NEB: variants seen among roughly 807,000 people sequenced by gnomAD.
NEB encodes nebulin, also known as nemaline myopathy type 2.
NEB carries 512 observed loss-of-function variants against 952.2 expected under a neutral mutation model. The ratio of observed to expected loss-of-function variants is 0.54; its 90% CI spans 0.50 to 0.58. The LOEUF (loss-of-function observed/expected upper bound fraction) is 0.58, where lower values mean the gene tolerates loss of function less well. NEB is among the 20% of genes least tolerant of loss of function. NEB has a pLI of 0.00. For missense variants in NEB, 8,428 were observed against 9,231.1 expected, an observed-to-expected ratio of 0.91 and a Z score of 3.56; for synonymous variants, 2,900 against 3,149.8, an observed-to-expected ratio of 0.92 and a Z score of 2.66.
chr2:151,724,238 T>C (rs773728290), intron 8 of NEB, 22 bp downstream of exon 8: 1 of 1,553,734 alleles, frequency 6.4e-7, no homozygotes, highest in Non-Finnish European at 8.9e-7. Flanking sequence ...AAGACAGAAG[T>C]GGCAATGGAG....
Position 151,529,239 on chromosome 2 carries a change from C to A in NEB, c.21706G>T (p.Ala7236Ser). 6.2e-7 allele frequency: 1 copy of A among 1,613,350 alleles called. No homozygotes were observed. The change falls in exon 146 of 182, where the codon GCC becomes TCC. Residue 7236 changes from alanine to serine, a missense_variant. This residue lies in a region of NEB where 3,374 missense variants were observed against 3,651.5 expected (regional missense o/e 0.92). Coordinates refer to ENST00000397345, the MANE Select transcript of NEB (RefSeq NM_001164508.2). ...GTGTTGACTTTGTAGGCGTCCTTGG[C>A]TGCTTTGATATGAACAGCATCTGGC... ...IEPDAVHIKA[A>S]KDAYKVNTNL...
In NEB at chr2:151,696,668, T is replaced by G; in HGVS notation, c.1538A>C (p.Gln513Pro). 6.2e-7 allele frequency: 1 copy of G among 1,613,882 alleles called. No homozygotes were observed. Among genetic ancestry groups the G allele is most frequent in the Non-Finnish European group, 8.5e-7 (1 of 1,179,796 alleles). Residue 513 changes from glutamine to proline, a missense_variant, in exon 17 of 182, where the codon CAA becomes CCA. This residue lies in a region of NEB where 2,851 missense variants were observed against 2,791.5 expected (regional missense o/e 1.02). Transcript: ENST00000397345. Reference protein sequence around the residue: ...TQVTDSPVLLQAQVNSKQLSD... With the variant: ...TQVTDSPVLLPAQVNSKQLSD... ...CAGTTGTTTGGAATTGACTTGGGCT[T>G]GTAGCAGAACAGGAGAGTCTGTAAC...
chr2:151,568,445 G>C (rs1038214248), intron 111 of NEB, 28 bp from the exon 112 acceptor site: 2 of 1,569,954 alleles, frequency 1.3e-6, no homozygotes, highest in Non-Finnish European at 1.8e-6. Context: ...AGAGGCAAGG[G>C]GGCAAGTTAC....
At chr2:151,672,338 C>A in intron 37 of NEB, 31 bp downstream of exon 37, 1 of 1,531,554 alleles carries the variant, frequency 6.5e-7, no homozygotes, top group Non-Finnish European at 8.9e-7. Flanking sequence ...TAAGTGCAAA[C>A]ATCTCTGGGT....
rs189542576 is a variant in NEB, at chr2:151,702,383, C to T, written c.1152+4498G>A. On this transcript the variant is annotated intron_variant, in intron 13 of 181. Transcript: ENST00000397345. ...GAGCTCTGTAGATGTCAATTAGGTC[C>T]GCTTGGTGCAGAGCTGAGTTCAATT... Among the ~76,000 whole-genome samples, 442 of 152,140 alleles carry T rather than the reference C, an allele frequency of 2.9e-3. 2 individuals carry two copies. The highest frequency in any genetic ancestry group is 9.9e-3 in the African/African-American group (410 of 41,496).
intron 38 of NEB, 122 bp downstream of exon 38, chr2:151,670,901 A>G (rs1454382561): frequency 1.9e-6 from 2 of 1,043,046 alleles, no homozygotes; most frequent in Admixed American, 2.1e-5. Context: ...TCTCATACCT[A>G]TGAAAGCAGT....
Position 151,688,254 on chromosome 2 carries a change from G to C in NEB, c.2415+38C>G, listed in dbSNP as rs768858579. ...AATTTAAAACATTTTCTCTTTTCAT[G>C]TACACCAAACATAGGCTTCTGTGGC... On this transcript the variant is annotated intron_variant, in intron 25 of 181. Coordinates refer to ENST00000397345, the MANE Select transcript of NEB (RefSeq NM_001164508.2). The C allele has an allele frequency of 1.9e-5, 27 of 1,433,124 alleles. No homozygotes were observed. The Admixed American group carries it at 3.3e-4, about 18-fold the overall frequency. 88.8% of individuals were successfully genotyped at this position (1,433,124 alleles called of 1,614,324 possible).
chr2:151,621,542 T>C (rs992811897), intron 71 of NEB, among the ~76,000 whole-genome samples: 8 of 152,220 alleles, frequency 5.3e-5, no homozygotes, highest in Non-Finnish European at 1.2e-4. Flanking sequence ...CTGCAAGTTG[T>C]TCGAGGACAT....
intron 47 of NEB, 74 bp from the exon 48 acceptor site, chr2:151,658,164 C>T (rs2099107009): frequency 1.8e-6 from 2 of 1,097,602 alleles, no homozygotes; most frequent in Non-Finnish European, 2.6e-6. Flanking sequence ...GAGTAAACTA[C>T]CACTGTGGCG....
chr2:151,723,214 C>A (rs2099779863), intron 9 of NEB, among the ~76,000 whole-genome samples, 168 bp downstream of exon 9: 1 of 152,146 alleles, frequency 6.6e-6, no homozygotes. Flanking sequence ...TAAATTATAT[C>A]TAATTTAAAT....
chr2:151,648,519 T>A (rs1423827539), intron 54 of NEB, among the ~76,000 whole-genome samples: 1 of 152,212 alleles, frequency 6.6e-6, no homozygotes, highest in Non-Finnish European at 1.5e-5. Flanking sequence ...GGGCCTTCAG[T>A]GCATCCATCA....
chr2:151,518,434 G>C lies in NEB; in HGVS notation c.22696-12C>G. On this transcript the variant is annotated splice_polypyrimidine_tract_variant and intron_variant, in intron 155 of 181. Coordinates refer to ENST00000397345, the MANE Select transcript of NEB (RefSeq NM_001164508.2). ...TTCTTGTACTGGTACTGAGGGGAAG[G>C]CGGCAAAAAAGGCACATTGATGGAG... 1 of 1,549,964 alleles carries C rather than the reference G, an allele frequency of 6.5e-7. No individual in the cohort carries two copies. Among genetic ancestry groups the C allele is most frequent in the Non-Finnish European group, 8.9e-7 (1 of 1,127,130 alleles).
intron 133 of NEB, among the ~76,000 whole-genome samples, chr2:151,546,647 C>T (rs531748728): frequency 6.6e-6 from 1 of 151,852 alleles, no homozygotes; most frequent in South Asian, 2.1e-4. Flanking sequence ...CAACCTCCGC[C>T]TCCCGAGTTC....
At position 151,562,236 on chromosome 2, in the gene NEB, G is replaced by C. The variant is rs748785523; in HGVS notation, c.18892-22C>G. 15 of 1,535,486 alleles carry C rather than the reference G, an allele frequency of 9.8e-6. No individual in the cohort carries two copies. In the South Asian group the frequency reaches 1.7e-4, roughly 17 times the overall value. ...CATTCTGCAAGAAAGAGAGAACAAT[G>C]AAATGTGGAAGGTATTCTGAATTTA... is the stretch of plus-strand genomic sequence containing the variant. On this transcript the variant is annotated intron_variant, in intron 120 of 181. Coordinates refer to ENST00000397345, the MANE Select transcript of NEB (RefSeq NM_001164508.2).
chr2:151,659,293 A>T lies in NEB; in HGVS notation c.5971-124T>A, dbSNP rs75684310. 2,197 of 555,486 alleles carry T rather than the reference A, an allele frequency of 4.0e-3. 48 individuals are homozygous for T. The highest frequency in any genetic ancestry group is 0.036 in the African/African-American group (1,826 of 51,238). The allele number at this position is 555,486 out of a possible 1,614,324, so 34.4% of individuals were successfully genotyped here. A position where few individuals can be genotyped will look rare whatever the true frequency, so the allele number is the denominator to read the frequency against. On this transcript the variant is annotated intron_variant, in intron 46 of 181. Coordinates refer to ENST00000397345, the MANE Select transcript of NEB (RefSeq NM_001164508.2). ...TTTATTAGCTAGGTTTAAATTAATT[A>T]ATTTATTTATTTATTATTTTTGAGA... is the stretch of plus-strand genomic sequence containing the variant.
chr2:151,678,851 G>C (rs1048600603), intron 32 of NEB, among the ~76,000 whole-genome samples: 2 of 152,058 alleles, frequency 1.3e-5, no homozygotes, highest in African/African-American at 4.8e-5. Context: ...GGGTGGGTGA[G>C]AACTTCGGGT....
At chr2:151,576,581 G>C (rs1465487900) in intron 105 of NEB, among the ~76,000 whole-genome samples, 1 of 125,038 alleles carries the variant, frequency 8.0e-6, no homozygotes, top group East Asian at 2.3e-4. Flanking sequence ...ACCCAGGCTG[G>C]AGTGCAATGG....
intron 17 of NEB, 113 bp from the exon 18 acceptor site, chr2:151,695,795 T>A (rs2099591841): frequency 1.3e-6 from 1 of 789,080 alleles, no homozygotes; most frequent in Non-Finnish European, 2.1e-6. Flanking sequence ...AGAAGAGACA[T>A]CTAGAGCTTG....
At position 151,617,487 on chromosome 2, in the gene NEB, A is replaced by AAGAGAGAG. The variant is rs369065019; in HGVS notation, c.11077-27_11077-20dup. 1.1e-4 allele frequency: 116 copies of AAGAGAGAG among 1,036,062 alleles called. No homozygotes were observed. Among genetic ancestry groups the AAGAGAGAG allele is most frequent in the Non-Finnish European group, 1.3e-4 (96 of 738,086 alleles). 64.2% of individuals were successfully genotyped at this position (1,036,062 alleles called of 1,614,324 possible). On this transcript the variant is annotated intron_variant, in intron 74 of 181. Transcript: ENST00000397345. ...ATAAGCGCTACAAAAAAAAAAAAAAAAGAGAGAGAGAGAGAGAAAAATTAT... is the reference window on the plus strand; with the variant it reads ...ATAAGCGCTACAAAAAAAAAAAAAAAAGAGAGAGAGAGAGAGAGAGAGAGAAAAATTAT...
Sources: gnomAD v4.1 joint callset for allele counts (sites outside exome capture counted in the v4.1 genomes callset) on GRCh38, gnomAD v4.1.1 for gene constraint, gnomAD v4.1.1 regional missense constraint, MANE v1.5 for transcripts, NCBI Gene and HGNC (gene_info 2026-07-23, HGNC 2026-07-21) for gene names.